LDLRAD4: variants seen among roughly 807,000 people sequenced by gnomAD.
LDLRAD4 encodes the protein low-density lipoprotein receptor class A domain-containing protein 4.
In LDLRAD4, 5 loss-of-function variants were observed where a neutral mutation model predicts 17.0. The observed-to-expected ratio is 0.29, with a 90% CI of 0.15 to 0.62. The LOEUF (loss-of-function observed/expected upper bound fraction) is 0.62. Ranked by LOEUF, LDLRAD4 falls within the 20% of genes least tolerant of loss-of-function variation. The probability of loss-of-function intolerance (pLI) is 0.84; values close to 1 mark genes in which losing one functional copy is unlikely to be tolerated. For synonymous variants in LDLRAD4, 168 were observed against 171.8 expected (o/e 0.98, Z 0.17); for missense variants, 340 against 424.7 (o/e 0.80, Z 1.75).
chr18:13,322,428 T>A (rs1206933378), intron 1 of LDLRAD4, among the ~76,000 whole-genome samples: 1 of 151,182 alleles, frequency 6.6e-6, no homozygotes, highest in East Asian at 2.0e-4. Context: ...GCCTCCCCAG[T>A]AGATGAGACT....
At chr18:13,433,849 C>G (rs7234210) in intron 2 of LDLRAD4, among the ~76,000 whole-genome samples, 58,301 of 152,006 alleles carry the variant, frequency 0.38, 12,282 homozygotes, top group Non-Finnish European at 0.48. Context: ...TTTCCTTTCT[C>G]CTCTCGCACA....
intron 2 of LDLRAD4, among the ~76,000 whole-genome samples, chr18:13,389,339 C>T (rs2086085785): frequency 6.6e-6 from 1 of 151,736 alleles, no homozygotes; most frequent in South Asian, 2.1e-4. Flanking sequence ...TCCTCCCCTC[C>T]AGTCAGGGGT....
At chr18:13,593,579 G>GTCCA (rs1349189816) in intron 3 of LDLRAD4, among the ~76,000 whole-genome samples, 1 of 147,416 alleles carries the variant, frequency 6.8e-6, no homozygotes, top group Non-Finnish European at 1.5e-5. Flanking sequence ...CCGTCCGTCC[G>GTCCA]TCCGTCCATC....
chr18:13,318,404 G>C (rs866820819), intron 1 of LDLRAD4, among the ~76,000 whole-genome samples: 8 of 152,236 alleles, frequency 5.3e-5, no homozygotes, highest in African/African-American at 1.9e-4. Context: ...TGGGACTACA[G>C]GTGCATGCCA....
intron 3 of LDLRAD4, among the ~76,000 whole-genome samples, chr18:13,585,049 G>T (rs919473830): frequency 1.3e-5 from 2 of 152,212 alleles, no homozygotes; most frequent in African/African-American, 4.8e-5. Context: ...TCAGCAAAAG[G>T]CAAATGCAGA....
intron 3 of LDLRAD4, among the ~76,000 whole-genome samples, chr18:13,568,664 G>T (rs1018310246): frequency 2.0e-5 from 3 of 152,198 alleles, no homozygotes; most frequent in Admixed American, 2.0e-4. Flanking sequence ...GGAAGAAAGG[G>T]AAGGCAGAAT....
At chr18:13,450,234 CA>C (rs1466398866) in intron 3 of LDLRAD4, among the ~76,000 whole-genome samples, 1 of 152,012 alleles carries the variant, frequency 6.6e-6, no homozygotes, top group East Asian at 1.9e-4. Flanking sequence ...TGCCTCCTCT[CA>C]CCCTTCTGGT....
intron 1 of LDLRAD4, among the ~76,000 whole-genome samples, chr18:13,225,660 T>C (rs532994330): frequency 2.0e-5 from 3 of 152,192 alleles, no homozygotes; most frequent in Non-Finnish European, 4.4e-5. Context: ...CTGATACATG[T>C]GTACTGAAGA....
chr18:13,557,785 T>C lies in LDLRAD4; in HGVS notation c.182-63332T>C, dbSNP rs149092957. Among the ~76,000 whole-genome samples the C allele has an allele frequency of 5.7e-3, 874 of 152,318 alleles. 2 individuals carry two copies. The highest frequency in any genetic ancestry group is 0.026 in the South Asian group (124 of 4,822). On this transcript the variant is annotated intron_variant, in intron 3 of 5. Transcript: ENST00000359446. ...ACACTTAGTATGTGGCATTGTAATA[T>C]ATGTGTTATTGTCTGTTGTTACCAT...
chr18:13,429,213 C>CA (rs1263077820), intron 2 of LDLRAD4, among the ~76,000 whole-genome samples: 2 of 152,172 alleles, frequency 1.3e-5, no homozygotes, highest in Non-Finnish European at 2.9e-5. Context: ...AAGTTAACCA[C>CA]ATGGGGGTCT....
rs57033432 is a variant in LDLRAD4 at position 13,321,861 on chromosome 18, C to CAAAAA, written c.-383+43710_-383+43714dup. Among the ~76,000 whole-genome samples the CAAAAA allele has an allele frequency of 3.6e-3, 223 of 62,096 alleles. 14 individuals are homozygous for CAAAAA. The highest frequency in any genetic ancestry group is 4.1e-3 in the Non-Finnish European group (146 of 35,772). 40.7% of individuals were successfully genotyped at this position (62,096 alleles called of 152,430 possible). A position where few individuals can be genotyped will look rare whatever the true frequency, so the allele number is the denominator to read the frequency against. On this transcript the variant is annotated intron_variant, in intron 1 of 5. Coordinates refer to ENST00000359446, the Ensembl canonical transcript of LDLRAD4. The stretch of plus-strand genomic sequence containing the variant: ...AGGCAACAACAGCGAGACTCCGTCT[C>CAAAAA]AAAAAAAAAAAAAAAAAAAAAAAAA...
chr18:13,377,262 G>A (rs943330750), intron 1 of LDLRAD4, among the ~76,000 whole-genome samples: 3 of 152,168 alleles, frequency 2.0e-5, no homozygotes, highest in Non-Finnish European at 4.4e-5. Context: ...GCTGAAATAT[G>A]CATCTCCTTG....
rs7242870 is a variant in LDLRAD4 at position 13,417,685 on chromosome 18, C to T, written c.41-20559C>T. Among the ~76,000 whole-genome samples, 428 of 152,286 alleles carry T rather than the reference C, an allele frequency of 2.8e-3. 5 individuals are homozygous for T. Among genetic ancestry groups the T allele is most frequent in the African/African-American group, 9.8e-3 (409 of 41,560 alleles). Reference sequence around the variant, plus strand: ...TCCTGACCTAGTGATCCGCCCATCTCGGCCTCCCAAAGTGCTGGGATTACA... The same window carrying T: ...TCCTGACCTAGTGATCCGCCCATCTTGGCCTCCCAAAGTGCTGGGATTACA... On this transcript the variant is annotated intron_variant, in intron 2 of 5. Transcript: ENST00000359446.
intron 4 of LDLRAD4, among the ~76,000 whole-genome samples, chr18:13,639,018 T>C (rs1367565985): frequency 6.6e-6 from 1 of 152,236 alleles, no homozygotes; most frequent in Non-Finnish European, 1.5e-5. Flanking sequence ...GGAAATAGCC[T>C]ACAAGACAGG....
intron 3 of LDLRAD4, among the ~76,000 whole-genome samples, chr18:13,598,263 A>G (rs2095118588): frequency 6.6e-6 from 1 of 151,910 alleles, no homozygotes; most frequent in Non-Finnish European, 1.5e-5. Flanking sequence ...CTCTGATGTC[A>G]CTCCTCAGAG....
chr18:13,368,259 C>A lies in LDLRAD4; in HGVS notation c.-382-19082C>A, dbSNP rs551203818. On this transcript the variant is annotated intron_variant, in intron 1 of 5. Coordinates refer to ENST00000359446, the Ensembl canonical transcript of LDLRAD4. Reference sequence around the variant, plus strand: ...AGCCGACAAGAAGCTGAGTGTGGGACTTTGGGGGATGAGCTAAGGAGGAAG... The same window carrying A: ...AGCCGACAAGAAGCTGAGTGTGGGAATTTGGGGGATGAGCTAAGGAGGAAG... 2.0e-5 allele frequency among the ~76,000 whole-genome samples: 3 copies of A among 151,960 alleles called. No homozygotes were observed. In the South Asian group the frequency reaches 6.2e-4, roughly 32 times the overall value.
intron 1 of LDLRAD4, among the ~76,000 whole-genome samples, chr18:13,238,132 G>A (rs538339969): frequency 6.6e-6 from 1 of 152,320 alleles, no homozygotes; most frequent in East Asian, 1.9e-4. Flanking sequence ...TAAACTAACA[G>A]CAGGTGCCAG....
At chr18:13,454,400 A>C (rs2092009621) in intron 3 of LDLRAD4, among the ~76,000 whole-genome samples, 1 of 152,196 alleles carries the variant, frequency 6.6e-6, no homozygotes, top group Admixed American at 6.5e-5. Context: ...ATAATATGGA[A>C]TTTTGAGTGT....
intron 1 of LDLRAD4, among the ~76,000 whole-genome samples, chr18:13,267,479 G>C (rs2044284521): frequency 6.6e-6 from 1 of 152,254 alleles, no homozygotes; most frequent in Non-Finnish European, 1.5e-5. Flanking sequence ...TCAGGATAGT[G>C]AAGCTGCCCA....
Sources: allele counts gnomAD v4.1 joint callset (sites outside exome capture counted in the v4.1 genomes callset), GRCh38; gene constraint gnomAD v4.1.1; transcripts MANE v1.5; gene names NCBI Gene and HGNC (gene_info 2026-07-23, HGNC 2026-07-21).